Variants in EPX observed in about 807,000 individuals in gnomAD.
The protein encoded by EPX is eosinophil peroxidase.
EPX carries 60 observed loss-of-function variants against 73.0 expected under a neutral mutation model. The ratio of observed to expected loss-of-function variants is 0.82; its 90% CI spans 0.67 to 1.02. The LOEUF is 1.02. EPX is among the 50% of genes least tolerant of loss of function. The pLI is 0.00. For synonymous variants in EPX, 347 were observed against 389.2 expected, an observed-to-expected ratio of 0.89 and a Z score of 1.28; for missense variants, 950 against 973.9, an observed-to-expected ratio of 0.98 and a Z score of 0.33.
In EPX at chr17:58,199,069, C is replaced by T; in HGVS notation, c.1150C>T (p.Leu384=). The T allele has an allele frequency of 6.2e-7, 1 of 1,614,070 alleles. No individual in the cohort carries two copies. The highest frequency in any genetic ancestry group is 1.6e-4 in the Middle Eastern group (1 of 6,062). ...CACCCGATCAACGGAAACCCCCAAA[C>T]TGGCAGCCATGCACACCCTCTTTAT... The part of the protein sequence containing the change: ...GDTRSTETPK[L]AAMHTLFMRE... Residue 384 remains leucine, a synonymous_variant, in exon 8 of 13, where the codon CTG becomes TTG. Transcript: ENST00000225371.
intron 8 of EPX, 81 bp from the exon 9 acceptor site, chr17:58,199,458 A>G: frequency 6.7e-7 from 1 of 1,484,178 alleles, no homozygotes; most frequent in Non-Finnish European, 9.4e-7. Context: ...ACAATAAAGA[A>G]TATGTCTGAG....
Position 58,196,809 on chromosome 17 carries a change from T to C in EPX, c.802-130T>C, listed in dbSNP as rs1597966642. ...ACTGACGGGGTGAGCAGCATGAGCC[T>C]GGGTGAGTCAAGGAGGGCTTCCTGG... On this transcript the variant is annotated intron_variant, in intron 6 of 12. Coordinates refer to ENST00000225371, the MANE Select transcript of EPX (RefSeq NM_000502.6). 8 of 743,418 alleles carry C rather than the reference T, an allele frequency of 1.1e-5. No homozygotes were observed. The East Asian group carries it at 2.0e-4, about 19-fold the overall frequency. 46.1% of individuals were successfully genotyped at this position (743,418 alleles called of 1,614,324 possible).
Position 58,198,133 on chromosome 17 carries a change from A to C in EPX, c.1120+876A>C, listed in dbSNP as rs1226813182. On this transcript the variant is annotated intron_variant, in intron 7 of 12. Coordinates refer to ENST00000225371, the MANE Select transcript of EPX (RefSeq NM_000502.6). Reference sequence around the variant, plus strand: ...TTACAGGTGTGAGCCACCACGCCCAACCTTATCAAGATATTTAAATGTGCC... The same window carrying C: ...TTACAGGTGTGAGCCACCACGCCCACCCTTATCAAGATATTTAAATGTGCC... Among the ~76,000 whole-genome samples the C allele has an allele frequency of 2.6e-5, 4 of 152,158 alleles. 1 individual carries two copies. In the South Asian group the frequency reaches 6.2e-4, roughly 24 times the overall value.
Position 58,195,182 on chromosome 17 carries a change from C to G in EPX, c.801+12C>G, listed in dbSNP as rs1182443883. The G allele has an allele frequency of 6.2e-7, 1 of 1,607,240 alleles. No homozygotes were observed. Among genetic ancestry groups the G allele is most frequent in the African/African-American group, 1.3e-5 (1 of 74,774 alleles). On this transcript the variant is annotated intron_variant, in intron 6 of 12. Coordinates refer to ENST00000225371, the MANE Select transcript of EPX (RefSeq NM_000502.6). ...GCTTTCCCATCAAGGTACCTACCCT[C>G]AGCCAATCTCCCATGCCCTTGTGTG...
intron 10 of EPX, 98 bp downstream of exon 10, chr17:58,200,493 TC>T (rs746118891): frequency 5.4e-5 from 69 of 1,283,286 alleles, no homozygotes; most frequent in Non-Finnish European, 3.6e-5. Context: ...ACTGGGACTG[TC>T]TACAGGATGT....
Position 58,203,102 on chromosome 17 carries a change from T to C in EPX, c.1730T>C (p.Phe577Ser), listed in dbSNP as rs1278238712. ...GCAGGGTACAATGCTTGGAGGCGCT[T>C]CTGTGGGCTCTCCCAGCCCCGGAAT... The part of the protein sequence containing the change: ...GLPGYNAWRR[F>S]CGLSQPRNLA... Residue 577 changes from phenylalanine (F) to serine (S), a missense_variant, in exon 11 of 13, where the codon TTC becomes TCC. Coordinates refer to ENST00000225371, the MANE Select transcript of EPX (RefSeq NM_000502.6). 1.2e-6 allele frequency: 2 copies of C among 1,613,978 alleles called. No homozygotes were observed. Among genetic ancestry groups the C allele is most frequent in the Non-Finnish European group, 1.7e-6 (2 of 1,179,956 alleles).
At chr17:58,197,341 A>C in intron 7 of EPX, 84 bp downstream of exon 7, 4 of 1,533,846 alleles carry the variant, frequency 2.6e-6, no homozygotes, top group Non-Finnish European at 3.6e-6. Context: ...GGATGTGGTG[A>C]AGGTACATGG....
At position 58,203,335 on chromosome 17, in the gene EPX, T is replaced by C; in HGVS notation, c.1946+17T>C. On this transcript the variant is annotated intron_variant, in intron 11 of 12. Transcript: ENST00000225371. ...CGGAGACAGGTAAGTGACCCTATCATAAAAGACATCAGCACCAGAGGCAGA... is the reference window on the plus strand; with the variant it reads ...CGGAGACAGGTAAGTGACCCTATCACAAAAGACATCAGCACCAGAGGCAGA... 1 of 1,538,046 alleles carries C rather than the reference T, an allele frequency of 6.5e-7. No individual in the cohort carries two copies. The highest frequency in any genetic ancestry group is 1.1e-5 in the South Asian group (1 of 89,556).
intron 11 of EPX, among the ~76,000 whole-genome samples, chr17:58,204,020 C>G (rs2143722754): frequency 6.7e-6 from 1 of 148,508 alleles, no homozygotes; most frequent in South Asian, 2.2e-4. Context: ...AAATCCAGCC[C>G]TGGCCACTTA....
intron 10 of EPX, 78 bp from the exon 11 acceptor site, chr17:58,203,003 C>T (rs192193878): frequency 5.5e-6 from 6 of 1,081,194 alleles, no homozygotes; most frequent in Non-Finnish European, 8.6e-6. Flanking sequence ...CAGCTTCCCC[C>T]CAGAGGACTG....
chr17:58,197,460 C>T (rs566080094), intron 7 of EPX, among the ~76,000 whole-genome samples: 1 of 152,294 alleles, frequency 6.6e-6, no homozygotes, highest in South Asian at 2.1e-4. Context: ...CCAGAGATAA[C>T]TGCTTAACCG....
chr17:58,195,879 C>T lies in EPX; in HGVS notation c.801+709C>T, dbSNP rs565830222. 5.9e-5 allele frequency among the ~76,000 whole-genome samples: 9 copies of T among 152,224 alleles called. 1 individual carries two copies. In the South Asian group the frequency reaches 1.7e-3, roughly 28 times the overall value. ...GCTTAGGGGCACCTCCTCTGGGGAG[C>T]CTTCTCAGATCTTCCTATTACACTT... On this transcript the variant is annotated intron_variant, in intron 6 of 12. Transcript: ENST00000225371.
Position 58,193,804 on chromosome 17 carries a change from G to A in EPX, c.437G>A (p.Arg146His), listed in dbSNP as rs147335188. Residue 146 changes from arginine to histidine, a missense_variant, in exon 4 of 13, where the codon CGC becomes CAC. Coordinates refer to ENST00000225371, the MANE Select transcript of EPX (RefSeq NM_000502.6). ...DQAERCSDKYRTITGRCNNKR... is the reference protein window; with the variant it reads ...DQAERCSDKYHTITGRCNNKR... ...GCCGAGCGCTGCAGCGACAAGTACC[G>A]CACCATCACTGGACGGTGCAACAAC... 2.7e-4 allele frequency: 437 copies of A among 1,613,096 alleles called. No homozygotes were observed. Among genetic ancestry groups the A allele is most frequent in the Non-Finnish European group, 3.3e-4 (389 of 1,179,520 alleles).
intron 11 of EPX, among the ~76,000 whole-genome samples, 198 bp from the exon 12 acceptor site, chr17:58,204,024 C>A (rs1410600981): frequency 6.7e-6 from 1 of 148,508 alleles, no homozygotes; most frequent in African/African-American, 2.5e-5. Flanking sequence ...CCAGCCCTGG[C>A]CACTTAAATT....
rs756641039 is a variant in EPX, at chr17:58,193,123, C to T, written c.162C>T (p.Thr54=). The change falls in exon 2 of 13, where the codon ACC becomes ACT. Residue 54 remains threonine (T), a synonymous_variant. Coordinates refer to ENST00000225371, the MANE Select transcript of EPX (RefSeq NM_000502.6). The part of the protein sequence containing the change: ...KLLVDAAYNW[T]QKSIKQRLRS... Reference sequence around the variant, plus strand: ...TGGTGGATGCTGCCTACAATTGGACCCAGAAGAGGTGGACTTGGGTCTGGG... The same window carrying T: ...TGGTGGATGCTGCCTACAATTGGACTCAGAAGAGGTGGACTTGGGTCTGGG... The T allele has an allele frequency of 3.5e-5, 56 of 1,608,868 alleles. No individual in the cohort carries two copies. In the Middle Eastern group the frequency reaches 6.6e-4, roughly 19 times the overall value.
rs750241871 is a variant in EPX at position 58,196,901 on chromosome 17, G to T, written c.802-38G>T. The stretch of plus-strand genomic sequence containing the variant: ...GACGGAGAGGAGTGAGTCTGCTATT[G>T]AGGGGGCCCCATGTCACTGTCTCCT... On this transcript the variant is annotated intron_variant, in intron 6 of 12. Coordinates refer to ENST00000225371, the MANE Select transcript of EPX (RefSeq NM_000502.6). 3 of 1,539,832 alleles carry T rather than the reference G, an allele frequency of 1.9e-6. No individual in the cohort carries two copies. In the South Asian group the frequency reaches 3.3e-5, roughly 17 times the overall value.
chr17:58,194,918 G>T (rs981258813), intron 5 of EPX, 46 bp from the exon 6 acceptor site: 1 of 1,470,844 alleles, frequency 6.8e-7, no homozygotes, highest in Non-Finnish European at 9.5e-7. Context: ...AATACCTTGT[G>T]GGGTCAGGGA....
rs1373581198 is a variant in EPX, at chr17:58,192,903, C to G, written c.57C>G (p.Pro19=). 6.2e-7 allele frequency: 1 copy of G among 1,614,144 alleles called. No homozygotes were observed. The highest frequency in any genetic ancestry group is 1.1e-5 in the South Asian group (1 of 91,086). The change falls in exon 1 of 13, where the codon CCC becomes CCG. Residue 19 remains proline, a synonymous_variant. Coordinates refer to ENST00000225371, the MANE Select transcript of EPX (RefSeq NM_000502.6). The part of the protein sequence containing the change: ...GVLATLVLAQ[P]CEGTDPASPG... ...TGGCCACACTCGTCCTCGCCCAGCC[C>G]TGTGAGGGCACTGACCCAGGTAATA... is the stretch of plus-strand genomic sequence containing the variant.
At position 58,199,519 on chromosome 17, in the gene EPX, C is replaced by T; in HGVS notation, c.1282-20C>T. On this transcript the variant is annotated intron_variant, in intron 8 of 12. Coordinates refer to ENST00000225371, the MANE Select transcript of EPX (RefSeq NM_000502.6). ...GGGTGAGTAGCCTCTGGGGAATGTT[C>T]CTCCTGTCTTCCCTTCCAGATCATC... The T allele has an allele frequency of 6.2e-7, 1 of 1,613,894 alleles. No homozygotes were observed. Among genetic ancestry groups the T allele is most frequent in the Non-Finnish European group, 8.5e-7 (1 of 1,179,916 alleles).
Sources: allele counts gnomAD v4.1 joint callset (sites outside exome capture counted in the v4.1 genomes callset), GRCh38; gene constraint gnomAD v4.1.1; transcripts MANE v1.5; gene names NCBI Gene and HGNC (gene_info 2026-07-23, HGNC 2026-07-21).